Variants in OCM observed in about 807,000 individuals in gnomAD.
OCM encodes oncomodulin.
OCM carries 18 observed loss-of-function variants against 14.1 expected under a neutral mutation model. That is an observed-to-expected ratio of 1.28 (90% CI 0.88 to 1.89). The LOEUF (loss-of-function observed/expected upper bound fraction) is 1.89. Ranked by LOEUF, OCM falls within the 40% of genes most tolerant of loss-of-function variation. The probability of loss-of-function intolerance (pLI) is 0.00; values close to 1 mark genes in which losing one functional copy is unlikely to be tolerated. For synonymous variants in OCM, 48 were observed against 51.0 expected, an observed-to-expected ratio of 0.94 and a Z score of 0.25; for missense variants, 140 against 137.6, an observed-to-expected ratio of 1.02 and a Z score of -0.09.
In OCM at chr7:5,883,950, C is replaced by T. The variant is rs779549074; in HGVS notation, c.255C>T (p.Ser85=). The part of the protein sequence containing the change: ...ARELTESETK[S]LMAAADNDGD... Reference sequence around the variant, plus strand: ...AACTGACCGAGTCAGAAACCAAGTCCTTGATGGCTGCGGCGGATAATGATG... The same window carrying T: ...AACTGACCGAGTCAGAAACCAAGTCTTTGATGGCTGCGGCGGATAATGATG... Residue 85 remains serine (S), a synonymous_variant, in exon 3 of 4, where the codon TCC becomes TCT. Coordinates refer to ENST00000242104, the MANE Select transcript of OCM (RefSeq NM_001097622.2). 15 of 1,613,432 alleles carry T rather than the reference C, an allele frequency of 9.3e-6. No individual in the cohort carries two copies.
At chr7:5,878,308 G>A (rs937153172), upstream of OCM, among the ~76,000 whole-genome samples, 2 of 151,946 alleles carry the variant, frequency 1.3e-5, no homozygotes, top group Non-Finnish European at 2.9e-5. Context: ...TGCTTACCAG[G>A]AGCTGGACTA....
upstream of OCM, among the ~76,000 whole-genome samples, chr7:5,874,858 T>A (rs1781062648): frequency 6.6e-6 from 1 of 151,922 alleles, no homozygotes; most frequent in East Asian, 1.9e-4. Context: ...ATTGTGCAAC[T>A]GTCACCACCA....
chr7:5,874,227 A>G, the OCM span, among the ~76,000 whole-genome samples: 2 of 138,262 alleles, frequency 1.4e-5, no homozygotes, highest in Non-Finnish European at 3.1e-5. Flanking sequence ...CTGTCTCAAA[A>G]AAAAAAAAAA....
At chr7:5,880,540 C>T (rs183474873), upstream of OCM, among the ~76,000 whole-genome samples, 582 of 152,218 alleles carry the variant, frequency 3.8e-3, 2 homozygotes, top group Admixed American at 7.7e-3. Flanking sequence ...AGGCAGATCA[C>T]CTGAGGTCAG....
intron 3 of OCM, among the ~76,000 whole-genome samples, chr7:5,884,926 A>G (rs1278578166): frequency 2.0e-5 from 3 of 151,944 alleles, no homozygotes; most frequent in Non-Finnish European, 2.9e-5. Context: ...TCAAGACTAG[A>G]CTGACCAACA....
the OCM span, among the ~76,000 whole-genome samples, chr7:5,870,148 C>G: frequency 6.6e-6 from 1 of 151,680 alleles, no homozygotes; most frequent in Admixed American, 6.6e-5. Context: ...GCTCTGTCAC[C>G]CAGGCTGGAG....
the OCM span, among the ~76,000 whole-genome samples, chr7:5,863,030 A>G: frequency 1.3e-5 from 2 of 152,360 alleles, no homozygotes; most frequent in East Asian, 1.9e-4. Flanking sequence ...AGATGAATGC[A>G]TCATGGACTC....
chr7:5,860,408 A>G, the OCM span, among the ~76,000 whole-genome samples: 5 of 141,458 alleles, frequency 3.5e-5, no homozygotes, highest in Non-Finnish European at 4.6e-5. Flanking sequence ...GTGTATATAT[A>G]CGTATATATA....
chr7:5,870,978 C>T, the OCM span, among the ~76,000 whole-genome samples: 1 of 151,946 alleles, frequency 6.6e-6, no homozygotes, highest in Non-Finnish European at 1.5e-5. Context: ...CCTCCACCTT[C>T]CGGGTTCAAG....
chr7:5,882,048 C>G (rs893528200), intron 1 of OCM, among the ~76,000 whole-genome samples: 13 of 134,706 alleles, frequency 9.7e-5, no homozygotes, highest in African/African-American at 3.4e-4. Flanking sequence ...GATCACGCCA[C>G]TGCACTCCAG....
chr7:5,881,023 A>T, intron 1 of OCM, 73 bp downstream of exon 1: 1 of 1,501,244 alleles, frequency 6.7e-7, no homozygotes, highest in Non-Finnish European at 9.3e-7. Context: ...ACAAAATCAA[A>T]ATGTAGGCCA....
chr7:5,880,459 T>A (rs532891611), upstream of OCM, among the ~76,000 whole-genome samples: 287 of 152,208 alleles, frequency 1.9e-3, no homozygotes, highest in African/African-American at 6.5e-3. Context: ...GCTTATCACA[T>A]TTTAAAAATT....
intron 2 of OCM, among the ~76,000 whole-genome samples, chr7:5,882,859 T>C (rs376432855): frequency 3.1e-4 from 40 of 127,346 alleles, no homozygotes; most frequent in African/African-American, 1.1e-3. Flanking sequence ...TTTTTTTTTT[T>C]TGAGACAGGG....
At chr7:5,875,414 C>T (rs1365314802), upstream of OCM, among the ~76,000 whole-genome samples, 2 of 151,854 alleles carry the variant, frequency 1.3e-5, no homozygotes, top group Non-Finnish European at 2.9e-5. Context: ...TCATCTTAAG[C>T]GCCTCATTGA....
the OCM span, among the ~76,000 whole-genome samples, chr7:5,861,786 C>A: frequency 1.3e-5 from 2 of 151,804 alleles, no homozygotes; most frequent in Non-Finnish European, 2.9e-5. Flanking sequence ...ACTATGTTGC[C>A]CAGGCTGGTC....
intron 1 of OCM, 148 bp downstream of exon 1, chr7:5,881,098 C>G (rs951087198): frequency 5.5e-6 from 4 of 721,004 alleles, no homozygotes; most frequent in African/African-American, 1.8e-5. Context: ...GCGGGTGGAT[C>G]ACGAGGTCAG....
chr7:5,866,618 G>C, the OCM span, among the ~76,000 whole-genome samples: 1 of 152,152 alleles, frequency 6.6e-6, no homozygotes, highest in Non-Finnish European at 1.5e-5. Context: ...TTGATTTTCT[G>C]ACATCTGACC....
the OCM span, among the ~76,000 whole-genome samples, chr7:5,860,474 C>T: frequency 2.9e-5 from 1 of 34,294 alleles, no homozygotes; most frequent in Non-Finnish European, 4.5e-5. Context: ...CGTATATATA[C>T]GTGTATATAT....
intron 2 of OCM, among the ~76,000 whole-genome samples, chr7:5,883,598 G>C (rs1321021427): frequency 6.6e-6 from 1 of 151,304 alleles, no homozygotes; most frequent in African/African-American, 2.4e-5. Context: ...GAGGCAGGAG[G>C]ATTGATTGAG....
Sources: allele counts gnomAD v4.1 joint callset (sites outside exome capture counted in the v4.1 genomes callset), GRCh38; gene constraint gnomAD v4.1.1; transcripts MANE v1.5; gene names NCBI Gene and HGNC (gene_info 2026-07-23, HGNC 2026-07-21).